Variants in GOLGB1 observed in about 807,000 individuals in gnomAD.
GOLGB1 encodes golgin B1, also known as golgin subfamily B member 1.
GOLGB1 carries 174 observed loss-of-function variants against 336.9 expected under a neutral mutation model. That is an observed-to-expected ratio of 0.52 (90% CI 0.46 to 0.59). The LOEUF (loss-of-function observed/expected upper bound fraction) is 0.59. Ranked by LOEUF, GOLGB1 falls within the 20% of genes least tolerant of loss-of-function variation. The pLI is 0.00. For synonymous variants in GOLGB1, 1,208 were observed against 1,289.2 expected, an observed-to-expected ratio of 0.94 and a Z score of 1.35; for missense variants, 3,331 against 3,645.3, an observed-to-expected ratio of 0.91 and a Z score of 2.22.
chr3:121,675,412 G>A (rs1234128015), intron 17 of GOLGB1, among the ~76,000 whole-genome samples: 2 of 151,958 alleles, frequency 1.3e-5, no homozygotes, highest in Non-Finnish European at 2.9e-5. Context: ...ATTTGTAATA[G>A]CCCCAAACTG....
At position 121,695,869 on chromosome 3, in the gene GOLGB1, C is replaced by G. The variant is rs1194414633; in HGVS notation, c.4654G>C (p.Glu1552Gln). The part of the protein sequence containing the change: ...VLGRLALLQE[E>Q]RDKLITEMDR... The stretch of plus-strand genomic sequence containing the variant: ...ATTTCTGTAATGAGTTTGTCTCTTT[C>G]TTCTTGAAGAAGAGCTAACCTTCCT... The change falls in exon 13 of 22, where the codon GAA becomes CAA. Residue 1552 changes from glutamate (E) to glutamine (Q), a missense_variant. Glu to Gln is a conservative substitution (Grantham distance 29). Transcript: ENST00000614479. 6.2e-7 allele frequency: 1 copy of G among 1,613,768 alleles called. No homozygotes were observed. Among genetic ancestry groups the G allele is most frequent in the East Asian group, 2.2e-5 (1 of 44,898 alleles).
chr3:121,728,082 GGA>G (rs1217227020), intron 4 of GOLGB1, among the ~76,000 whole-genome samples: 2 of 152,114 alleles, frequency 1.3e-5, no homozygotes, highest in Non-Finnish European at 2.9e-5. Context: ...AGCAATATGA[GGA>G]GAGAGGTTGG....
At position 121,729,243 on chromosome 3, in the gene GOLGB1, G is replaced by C; in HGVS notation, c.347C>G (p.Ala116Gly). The C allele has an allele frequency of 6.2e-7, 1 of 1,612,858 alleles. No individual in the cohort carries two copies. Among genetic ancestry groups the C allele is most frequent in the South Asian group, 1.1e-5 (1 of 90,986 alleles). Residue 116 changes from alanine (A) to glycine (G), a missense_variant, in exon 4 of 22, where the codon GCA (alanine) becomes GGA (glycine). Ala to Gly is a moderately conservative substitution (Grantham distance 60). Transcript: ENST00000614479. ...SLNKYIEEMK[A>G]QGGTVLPTEP... ...TGTAGGCAGAACAGTCCCTCCTTGT[G>C]CTTTCATTTCTTCTATGTATTTATT...
chr3:121,704,814 T>C lies in GOLGB1; in HGVS notation c.1405-2219A>G, dbSNP rs192902445. On this transcript the variant is annotated intron_variant, in intron 10 of 21. Coordinates refer to ENST00000614479, the MANE Select transcript of GOLGB1 (RefSeq NM_001366282.2). ...AAAAAAAGTTCTGAAAGAAAAATTG[T>C]CAATCGAGAATTATAATATCCAGTA... 5.1e-3 allele frequency among the ~76,000 whole-genome samples: 770 copies of C among 149,650 alleles called. 18 individuals are homozygous for C. The South Asian group carries it at 0.058, about 11-fold the overall frequency.
chr3:121,697,333 C>A lies in GOLGB1; in HGVS notation c.3190G>T (p.Glu1064Ter). Residue 1064 changes from glutamate (E) to a stop codon, truncating the protein, a stop_gained, in exon 13 of 22, where the codon GAA becomes TAA. Transcript: ENST00000614479. LOFTEE classifies it high-confidence loss of function. ...GATATTGTCTGTTTTAAATAAATTT[C>A]TATTTCTTGGCACTTAGAAGTCACA... The part of the protein sequence containing the change: ...KCVTSKCQEI[E>*]IYLKQTISEK... 1 of 1,613,534 alleles carries A rather than the reference C, an allele frequency of 6.2e-7. No homozygotes were observed. Among genetic ancestry groups the A allele is most frequent in the Non-Finnish European group, 8.5e-7 (1 of 1,179,740 alleles).
intron 6 of GOLGB1, 114 bp downstream of exon 6, chr3:121,722,148 A>G: frequency 4.5e-6 from 3 of 664,056 alleles, no homozygotes; most frequent in Non-Finnish European, 8.3e-6. Context: ...TGCAACACCC[A>G]TGCTACTATA....
At chr3:121,740,715 C>T (rs528295779) in intron 1 of GOLGB1, among the ~76,000 whole-genome samples, 2 of 151,892 alleles carry the variant, frequency 1.3e-5, no homozygotes, top group Non-Finnish European at 2.9e-5. Context: ...ATAGGATTTG[C>T]GAGAAACAGA....
rs1189913277 is a variant in GOLGB1 at position 121,719,640 on chromosome 3, A to AC, written c.771+5dup. On this transcript the variant is annotated splice_donor_region_variant and intron_variant, in intron 7 of 21. Transcript: ENST00000614479. ...ACAGTCATTCTACCGAGTTTTAGCA[A>AC]CACACCTGTTGCATCTCTGTTTCCA... 1.2e-6 allele frequency: 2 copies of AC among 1,600,724 alleles called. No homozygotes were observed. The highest frequency in any genetic ancestry group is 1.7e-6 in the Non-Finnish European group (2 of 1,173,804).
chr3:121,745,475 C>T (rs1177347438), intron 1 of GOLGB1, among the ~76,000 whole-genome samples: 1 of 133,032 alleles, frequency 7.5e-6, no homozygotes, highest in Non-Finnish European at 1.6e-5. Flanking sequence ...TACATATGTA[C>T]ACGTGTATGT....
chr3:121,678,300 G>C (rs907108543), intron 15 of GOLGB1, among the ~76,000 whole-genome samples: 2 of 152,128 alleles, frequency 1.3e-5, no homozygotes, highest in South Asian at 2.1e-4. Flanking sequence ...AAAGCATTTT[G>C]CTATATCAAT....
Position 121,696,348 on chromosome 3 carries a change from A to G in GOLGB1, c.4175T>C (p.Leu1392Pro), listed in dbSNP as rs760197036. ...SQLQIAGLEH[L>P]RELQPKLDEL... Reference sequence around the variant, plus strand: ...ATCCAGTTTAGGTTGCAATTCTCTTAGATGTTCTAGGCCAGCAATTTGTAG... The same window carrying G: ...ATCCAGTTTAGGTTGCAATTCTCTTGGATGTTCTAGGCCAGCAATTTGTAG... Residue 1392 changes from leucine to proline, a missense_variant, in exon 13 of 22, where the codon CTA becomes CCA. Physicochemically the swap from Leu to Pro is moderately conservative, Grantham distance 98. Transcript: ENST00000614479. 7.4e-6 allele frequency: 12 copies of G among 1,614,144 alleles called. No individual in the cohort carries two copies. Among genetic ancestry groups the G allele is most frequent in the Non-Finnish European group, 1.0e-5 (12 of 1,179,992 alleles).
chr3:121,668,642 C>T (rs1939041350), intron 18 of GOLGB1: 1 of 143,026 alleles, frequency 7.0e-6, no homozygotes, highest in African/African-American at 2.7e-5. Flanking sequence ...TACTGCATTC[C>T]AGCCTGGGCG....
At chr3:121,689,546 C>T (rs1430527489) in intron 14 of GOLGB1, among the ~76,000 whole-genome samples, 2 of 151,398 alleles carry the variant, frequency 1.3e-5, no homozygotes, top group Admixed American at 6.6e-5. Flanking sequence ...CTAGGAAAAC[C>T]AGAGACCTTT....
chr3:121,669,104 C>T, intron 18 of GOLGB1, 108 bp downstream of exon 18: 1 of 1,080,118 alleles, frequency 9.3e-7, no homozygotes, highest in Admixed American at 2.3e-5. Flanking sequence ...CCACTTTCTT[C>T]CCTGACCCCT....
At position 121,696,129 on chromosome 3, in the gene GOLGB1, T is replaced by C. The variant is rs1246413611; in HGVS notation, c.4394A>G (p.Glu1465Gly). 3 of 1,614,028 alleles carry C rather than the reference T, an allele frequency of 1.9e-6. No individual in the cohort carries two copies. Among genetic ancestry groups the C allele is most frequent in the Non-Finnish European group, 2.5e-6 (3 of 1,180,006 alleles). The stretch of plus-strand genomic sequence containing the variant: ...TGGTTTTTGCTTCATTTCACAAAGT[T>C]CCACCTGTAGCTGCTTTATCCTCTC... ...HDERIKQLQV[E>G]LCEMKQKPEE... is the part of the protein sequence containing the mutation. The change falls in exon 13 of 22, where the codon GAA (glutamate) becomes GGA (glycine). Residue 1465 changes from glutamate (E) to glycine (G), a missense_variant. Physicochemically the swap from Glu to Gly is moderately conservative, Grantham distance 98. Transcript: ENST00000614479.
rs535833043 is a variant in GOLGB1 at position 121,715,066 on chromosome 3, T to C, written c.1289-90A>G. 25 of 705,884 alleles carry C rather than the reference T, an allele frequency of 3.5e-5. 1 individual carries two copies. The highest frequency in any genetic ancestry group is 3.4e-4 in the African/African-American group (19 of 55,504). 43.7% of individuals were successfully genotyped at this position (705,884 alleles called of 1,614,324 possible). A position where few individuals can be genotyped will look rare whatever the true frequency, so the allele number is the denominator to read the frequency against. On this transcript the variant is annotated intron_variant, in intron 9 of 21. Transcript: ENST00000614479. ...TTCTAAAGATACACTGTATGCTGTT[T>C]ACTAGTTTAGTTTCCTTAGTTAAAA...
rs35674179 is a variant in GOLGB1, at chr3:121,695,370, C to A, written c.5153G>T (p.Cys1718Phe). Residue 1718 changes from cysteine (C) to phenylalanine (F), a missense_variant, in exon 13 of 22, where the codon TGT becomes TTT. Physicochemically the swap from Cys to Phe is radical, Grantham distance 205. Coordinates refer to ENST00000614479, the MANE Select transcript of GOLGB1 (RefSeq NM_001366282.2). Reference sequence around the variant, plus strand: ...ATTGGAAGAAAGAAGTGTTTCCATACACTCTTTAGCTGTATCTCCTGCAGG... The same window carrying A: ...ATTGGAAGAAAGAAGTGTTTCCATAAACTCTTTAGCTGTATCTCCTGCAGG... ...VHPAGDTAKE[C>F]METLLSSNAS... The A allele has an allele frequency of 0.11, 174,031 of 1,613,748 alleles. 10,272 individuals carry two copies. The highest frequency in any genetic ancestry group is 0.2 in the African/African-American group (14,757 of 74,926).
chr3:121,720,260 A>C (rs768743897), intron 6 of GOLGB1, among the ~76,000 whole-genome samples: 10 of 152,196 alleles, frequency 6.6e-5, no homozygotes, highest in Non-Finnish European at 1.5e-4. Flanking sequence ...TTCTAGTCTT[A>C]TTTTCAAAGA....
rs985238531 is a variant in GOLGB1, at chr3:121,677,415, C to T, written c.8909G>A (p.Arg2970Lys). 2.5e-6 allele frequency: 4 copies of T among 1,608,772 alleles called. No homozygotes were observed. Among genetic ancestry groups the T allele is most frequent in the Non-Finnish European group, 3.4e-6 (4 of 1,175,388 alleles). Residue 2970 changes from arginine to lysine, a missense_variant, in exon 16 of 22, where the codon AGA becomes AAA. Arg to Lys is a conservative substitution (Grantham distance 26). Transcript: ENST00000614479. The stretch of plus-strand genomic sequence containing the variant: ...AGCCATAAGGTACTGTTCCTTCATT[C>T]TCCTCTCATGTATTTCCCAGGAACT... Reference protein sequence around the residue: ...EKSSWEIHERRMKEQYLMAIS... With the variant: ...EKSSWEIHERKMKEQYLMAIS...
Sources: gnomAD v4.1 joint callset for allele counts (sites outside exome capture counted in the v4.1 genomes callset) on GRCh38, gnomAD v4.1.1 for gene constraint, MANE v1.5 for transcripts, NCBI Gene and HGNC (gene_info 2026-07-23, HGNC 2026-07-21) for gene names.